The following SLC17A8 variants were observed in gnomAD, a reference collection of about 807,000 sequenced individuals.
The protein encoded by SLC17A8 is vesicular glutamate transporter 3.
SLC17A8 carries 31 observed loss-of-function variants against 58.0 expected under a neutral mutation model. The ratio of observed to expected loss-of-function variants is 0.53; its 90% CI spans 0.40 to 0.72. SLC17A8 has a LOEUF of 0.72. Ranked by LOEUF, SLC17A8 falls within the 30% of genes least tolerant of loss-of-function variation. The pLI is 0.00. For synonymous variants in SLC17A8, 228 were observed against 249.0 expected (o/e 0.92, Z 0.79); for missense variants, 655 against 727.8 (o/e 0.90, Z 1.15).
intron 3 of SLC17A8, among the ~76,000 whole-genome samples, 170 bp downstream of exon 3, chr12:100,391,289 T>A (rs1366162002): frequency 6.6e-6 from 1 of 152,094 alleles, no homozygotes; most frequent in Non-Finnish European, 1.5e-5. Flanking sequence ...TAATTTATTT[T>A]TATTTTTATT....
At chr12:100,393,979 G>C (rs1952734399) in intron 4 of SLC17A8, among the ~76,000 whole-genome samples, 1 of 152,202 alleles carries the variant, frequency 6.6e-6, no homozygotes, top group Admixed American at 6.5e-5. Context: ...TAGTGCAAAA[G>C]CAGCCAGAGA....
At chr12:100,384,761 A>T (rs1217105323) in intron 2 of SLC17A8, among the ~76,000 whole-genome samples, 2 of 152,264 alleles carry the variant, frequency 1.3e-5, no homozygotes, top group East Asian at 3.9e-4. Context: ...GTCTTTATGT[A>T]ATTCTTTCTG....
At chr12:100,393,631 A>G in intron 4 of SLC17A8, 148 bp downstream of exon 4, 1 of 638,204 alleles carries the variant, frequency 1.6e-6, no homozygotes, top group East Asian at 3.0e-5. Flanking sequence ...GGTAATGGCT[A>G]AAATTGCAAG....
chr12:100,412,399 A>G (rs1180000414), intron 9 of SLC17A8, among the ~76,000 whole-genome samples: 1 of 152,010 alleles, frequency 6.6e-6, no homozygotes, highest in African/African-American at 2.4e-5. Context: ...GGGGATCATC[A>G]CACACTGGGG....
At chr12:100,390,623 C>A in intron 2 of SLC17A8, among the ~76,000 whole-genome samples, 1 of 152,042 alleles carries the variant, frequency 6.6e-6, no homozygotes, top group East Asian at 1.9e-4. Flanking sequence ...GCTGGGATTA[C>A]AGGTGTGAGC....
chr12:100,403,329 C>G (rs771032623), intron 8 of SLC17A8, among the ~76,000 whole-genome samples: 2 of 152,008 alleles, frequency 1.3e-5, no homozygotes, highest in African/African-American at 2.4e-5. Flanking sequence ...ATTAGCTGGG[C>G]GTAGTGATGC....
chr12:100,382,032 G>C (rs1186390621), intron 2 of SLC17A8, among the ~76,000 whole-genome samples: 1 of 152,232 alleles, frequency 6.6e-6, no homozygotes, highest in Non-Finnish European at 1.5e-5. Context: ...TTGGTTAAGA[G>C]TGAAAATAAA....
chr12:100,412,143 A>T lies in SLC17A8; in HGVS notation c.1187-627A>T, dbSNP rs188128115. Among the ~76,000 whole-genome samples, 170 of 152,264 alleles carry T rather than the reference A, an allele frequency of 1.1e-3. 2 individuals are homozygous for T. The highest frequency in any genetic ancestry group is 2.0e-3 in the Admixed American group (30 of 15,294). ...ACCCATGAAGCAACTAATAATTAACATCCCTCATCTCAGGAGCATCATTGG... is the reference window on the plus strand; with the variant it reads ...ACCCATGAAGCAACTAATAATTAACTTCCCTCATCTCAGGAGCATCATTGG... On this transcript the variant is annotated intron_variant, in intron 9 of 11. Coordinates refer to ENST00000323346, the MANE Select transcript of SLC17A8 (RefSeq NM_139319.3).
At chr12:100,384,525 T>C (rs1438027378) in intron 2 of SLC17A8, among the ~76,000 whole-genome samples, 4 of 152,058 alleles carry the variant, frequency 2.6e-5, no homozygotes, top group African/African-American at 2.4e-5. Context: ...ATCCTGGCAG[T>C]TGGAGGTTGT....
At chr12:100,392,006 C>T (rs1952720161) in intron 3 of SLC17A8, among the ~76,000 whole-genome samples, 1 of 152,082 alleles carries the variant, frequency 6.6e-6, no homozygotes, top group Non-Finnish European at 1.5e-5. Flanking sequence ...TGAGCTGTCT[C>T]AAGAAGCAGT....
chr12:100,382,374 T>C (rs1323647140), intron 2 of SLC17A8, among the ~76,000 whole-genome samples: 2 of 152,206 alleles, frequency 1.3e-5, no homozygotes, highest in African/African-American at 4.8e-5. Context: ...TAGGAATCAC[T>C]GGAAACATAA....
At chr12:100,410,793 A>G (rs1434125594) in intron 9 of SLC17A8, 1 of 152,230 alleles carries the variant, frequency 6.6e-6, no homozygotes, top group Non-Finnish European at 1.5e-5. Context: ...AAACCTGCAG[A>G]TTTGTATATG....
At chr12:100,387,842 A>T (rs1031016710) in intron 2 of SLC17A8, among the ~76,000 whole-genome samples, 1 of 152,214 alleles carries the variant, frequency 6.6e-6, no homozygotes. Context: ...CTCATTTGCA[A>T]TTACCTCTAG....
chr12:100,362,198 C>G (rs966868119), intron 1 of SLC17A8, among the ~76,000 whole-genome samples: 10 of 151,850 alleles, frequency 6.6e-5, no homozygotes, highest in African/African-American at 2.4e-4. Context: ...GTGGGAAGTT[C>G]TCCAGGGTTC....
intron 2 of SLC17A8, among the ~76,000 whole-genome samples, chr12:100,388,621 C>T (rs1156487503): frequency 6.6e-6 from 1 of 152,236 alleles, no homozygotes; most frequent in South Asian, 2.1e-4. Context: ...TGTATTTACA[C>T]TGTCCAGCAC....
intron 10 of SLC17A8, 89 bp from the exon 11 acceptor site, chr12:100,417,940 T>A: frequency 6.5e-7 from 1 of 1,545,518 alleles, no homozygotes; most frequent in Non-Finnish European, 8.9e-7. Flanking sequence ...CCAAACAGAT[T>A]GGTAAAGGCT....
rs562735420 is a variant in SLC17A8, at chr12:100,368,092, C to G, written c.101+10600C>G. ...GGACCATGCCCCCTTTATTAGTTTC[C>G]TAGGGCTGCTGTAACAAAGTACCAC... On this transcript the variant is annotated intron_variant, in intron 1 of 11. Coordinates refer to ENST00000323346, the MANE Select transcript of SLC17A8 (RefSeq NM_139319.3). Among the ~76,000 whole-genome samples the G allele has an allele frequency of 2.0e-5, 3 of 152,246 alleles. No individual in the cohort carries two copies. In the South Asian group the frequency reaches 6.2e-4, roughly 32 times the overall value.
At chr12:100,381,057 A>G (rs1038902612) in intron 2 of SLC17A8, 104 bp downstream of exon 2, 1 of 1,366,888 alleles carries the variant, frequency 7.3e-7, no homozygotes, top group Admixed American at 1.7e-5. Context: ...CTGCAGCCCC[A>G]ACCTGCCAGG....
In SLC17A8 at chr12:100,421,490, T is replaced by C. The variant is rs1188554875; in HGVS notation, c.*1331T>C. 1 of 152,146 alleles carries C rather than the reference T, an allele frequency of 6.6e-6. No individual in the cohort carries two copies. Among genetic ancestry groups the C allele is most frequent in the Non-Finnish European group, 1.5e-5 (1 of 67,994 alleles). 9.4% of individuals were successfully genotyped at this position (152,146 alleles called of 1,614,324 possible). ...CCTTTGATTGCATAAGGCAATTACA[T>C]GGATACTTTTAGATATATTTAAAAT... On this transcript the variant is annotated 3_prime_UTR_variant, in exon 12 of 12. Transcript: ENST00000323346.
Sources: allele counts gnomAD v4.1 joint callset (sites outside exome capture counted in the v4.1 genomes callset), GRCh38; gene constraint gnomAD v4.1.1; transcripts MANE v1.5; gene names NCBI Gene and HGNC (gene_info 2026-07-23, HGNC 2026-07-21).